HIBADH: variants seen among roughly 807,000 people sequenced by gnomAD.
HIBADH encodes 3-hydroxyisobutyrate dehydrogenase, also known as 3-hydroxyisobutyrate dehydrogenase, mitochondrial.
In HIBADH, 25 loss-of-function variants were observed where a neutral mutation model predicts 36.1. The observed-to-expected ratio is 0.69, with a 90% CI of 0.50 to 0.97. The LOEUF is 0.97. HIBADH is among the 50% of genes least tolerant of loss of function. HIBADH has a pLI of 0.00. For missense variants in HIBADH, 421 were observed against 418.0 expected (o/e 1.01, Z -0.06); for synonymous variants, 160 against 149.5 (o/e 1.07, Z -0.51).
In HIBADH at chr7:27,645,634, G is replaced by A. The variant is rs187906349; in HGVS notation, c.252+3839C>T. On this transcript the variant is annotated intron_variant, in intron 2 of 7. Transcript: ENST00000265395. ...TGACCTCAAGTGATCCACCTGCCTC[G>A]GCCTCCCAAACTGTTGGGATTACAG... Among the ~76,000 whole-genome samples the A allele has an allele frequency of 1.6e-4, 24 of 151,896 alleles. No homozygotes were observed. In the South Asian group the frequency reaches 2.1e-3, roughly 13 times the overall value.
chr7:27,535,206 T>C (rs1347630565), intron 6 of HIBADH, among the ~76,000 whole-genome samples: 1 of 151,876 alleles, frequency 6.6e-6, no homozygotes, highest in Admixed American at 6.6e-5. Context: ...TTTGTTCTTA[T>C]GTAAAACCAG....
At chr7:27,560,122 T>A (rs923823076) in intron 4 of HIBADH, among the ~76,000 whole-genome samples, 1 of 152,212 alleles carries the variant, frequency 6.6e-6, no homozygotes, top group African/African-American at 2.4e-5. Flanking sequence ...TGTTTACATT[T>A]CTATTATTAT....
chr7:27,608,031 T>G (rs1007066714), intron 4 of HIBADH, among the ~76,000 whole-genome samples: 16 of 152,228 alleles, frequency 1.1e-4, no homozygotes, highest in Non-Finnish European at 2.2e-4. Context: ...TTATTCGTAT[T>G]CTGGCCTCAT....
chr7:27,637,366 A>C (rs1316239502), intron 2 of HIBADH, among the ~76,000 whole-genome samples: 2 of 152,234 alleles, frequency 1.3e-5, no homozygotes, highest in African/African-American at 4.8e-5. Flanking sequence ...TAAAATATTA[A>C]GATCTGATCA....
intron 4 of HIBADH, among the ~76,000 whole-genome samples, chr7:27,567,791 T>C (rs1290842594): frequency 3.3e-5 from 5 of 152,222 alleles, no homozygotes; most frequent in African/African-American, 1.2e-4. Context: ...ATAGTTGTCA[T>C]CTGTATTACA....
intron 4 of HIBADH, among the ~76,000 whole-genome samples, chr7:27,543,579 A>T (rs1784190665): frequency 6.6e-6 from 1 of 152,208 alleles, no homozygotes; most frequent in Non-Finnish European, 1.5e-5. Context: ...TATAAGTGAG[A>T]TCTACAAAGA....
At chr7:27,543,198 T>C (rs980003031) in intron 4 of HIBADH, 98 bp from the exon 5 acceptor site, 2 of 1,249,220 alleles carry the variant, frequency 1.6e-6, no homozygotes, top group African/African-American at 3.0e-5. Flanking sequence ...AAAAACATCC[T>C]GCCTCCAATC....
chr7:27,526,612 G>A (rs904309622), intron 7 of HIBADH, among the ~76,000 whole-genome samples: 3 of 151,912 alleles, frequency 2.0e-5, no homozygotes, highest in Non-Finnish European at 4.4e-5. Flanking sequence ...CACAATACCT[G>A]TTTGTTTTGT....
At chr7:27,662,576 T>G in intron 1 of HIBADH, 122 bp downstream of exon 1, 2 of 516,556 alleles carry the variant, frequency 3.9e-6, no homozygotes, top group Non-Finnish European at 6.3e-6. Context: ...CCAGCCAAAA[T>G]ATTGTTTTTT....
In HIBADH at chr7:27,526,284, C is replaced by CA; in HGVS notation, c.940dup (p.Cys314LeufsTer50). The CA allele has an allele frequency of 6.2e-7, 1 of 1,613,718 alleles. No individual in the cohort carries two copies. Among genetic ancestry groups the CA allele is most frequent in the Non-Finnish European group, 8.5e-7 (1 of 1,179,854 alleles). ...GTCTTTCTTTGAGTAGCCCTTTGCA[C>CA]ACATCATCCTGTAGATCTGATGGGC... On this transcript the variant is annotated frameshift_variant, in exon 8 of 8. Coordinates refer to ENST00000265395, the MANE Select transcript of HIBADH (RefSeq NM_152740.4). LOFTEE classifies it high-confidence loss of function.
intron 2 of HIBADH, among the ~76,000 whole-genome samples, chr7:27,642,887 G>A (rs905004538): frequency 2.3e-4 from 35 of 152,136 alleles, no homozygotes; most frequent in African/African-American, 7.2e-4. Flanking sequence ...TCCTGACCTC[G>A]TGATCCGCCC....
intron 4 of HIBADH, among the ~76,000 whole-genome samples, chr7:27,573,403 T>C (rs1784656999): frequency 1.3e-5 from 2 of 152,188 alleles, no homozygotes; most frequent in South Asian, 4.1e-4. Flanking sequence ...CAATTACCGA[T>C]CCATACTGTA....
In HIBADH at chr7:27,543,052, A is replaced by G. The variant is rs1392976112; in HGVS notation, c.533T>C (p.Val178Ala). 33 of 1,613,218 alleles carry G rather than the reference A, an allele frequency of 2.0e-5. No homozygotes were observed. The highest frequency in any genetic ancestry group is 2.6e-5 in the Non-Finnish European group (31 of 1,179,700). Residue 178 changes from valine to alanine, a missense_variant, in exon 5 of 8, where the codon GTT (valine) becomes GCT (alanine). Coordinates refer to ENST00000265395, the MANE Select transcript of HIBADH (RefSeq NM_152740.4). ...TTGGGCAGCAGCAAATTCATCTTCA[A>G]CTCCTCCCACCATAAACGTGAGGTT... ...SGNLTFMVGG[V>A]EDEFAAAQEL...
At chr7:27,608,723 T>C (rs1222189888) in intron 4 of HIBADH, among the ~76,000 whole-genome samples, 2 of 152,196 alleles carry the variant, frequency 1.3e-5, no homozygotes, top group Non-Finnish European at 2.9e-5. Flanking sequence ...AAAAATAAAT[T>C]GTACATAAGT....
At chr7:27,529,143 G>C (rs1424850672) in intron 7 of HIBADH, among the ~76,000 whole-genome samples, 1 of 152,194 alleles carries the variant, frequency 6.6e-6, no homozygotes, top group African/African-American at 2.4e-5. Context: ...AAATACGACT[G>C]CTCACTGACA....
intron 4 of HIBADH, among the ~76,000 whole-genome samples, chr7:27,609,417 C>T (rs1281769392): frequency 6.6e-6 from 1 of 152,120 alleles, no homozygotes; most frequent in African/African-American, 2.4e-5. Flanking sequence ...AATTTATTTA[C>T]CAAACATTTC....
intron 7 of HIBADH, among the ~76,000 whole-genome samples, chr7:27,529,144 C>T (rs1354620805): frequency 6.6e-6 from 1 of 152,164 alleles, no homozygotes; most frequent in Non-Finnish European, 1.5e-5. Context: ...AATACGACTG[C>T]TCACTGACAG....
chr7:27,599,402 G>T (rs767816709), intron 4 of HIBADH, among the ~76,000 whole-genome samples: 1 of 152,038 alleles, frequency 6.6e-6, no homozygotes, highest in Non-Finnish European at 1.5e-5. Flanking sequence ...AAAATTGATG[G>T]CCGGGTGCGG....
chr7:27,526,493 T>C, intron 7 of HIBADH, 121 bp from the exon 8 acceptor site: 1 of 685,708 alleles, frequency 1.5e-6, no homozygotes, highest in Non-Finnish European at 2.2e-6. Context: ...AAGATACTTA[T>C]AAATACTATG....
Sources: allele counts gnomAD v4.1 joint callset (sites outside exome capture counted in the v4.1 genomes callset), GRCh38; gene constraint gnomAD v4.1.1; transcripts MANE v1.5; gene names NCBI Gene and HGNC (gene_info 2026-07-23, HGNC 2026-07-21).